The following MCPH1 variants were observed in gnomAD, a reference collection of about 807,000 sequenced individuals.
MCPH1 encodes microcephalin.
Under a neutral mutation model 84.5 loss-of-function variants are expected in MCPH1, and 104 were observed. The observed-to-expected ratio is 1.23, with a 90% confidence interval of 1.05 to 1.45. The LOEUF is 1.45. Ranked by LOEUF, MCPH1 falls within the 40% of genes most tolerant of loss-of-function variation. MCPH1 has a pLI of 0.00. For synonymous variants in MCPH1, 514 were observed against 366.8 expected, an observed-to-expected ratio of 1.40 and a Z score of -4.58; for missense variants, 1,498 against 1,005.7, an observed-to-expected ratio of 1.49 and a Z score of -6.62.
intron 12 of MCPH1, among the ~76,000 whole-genome samples, chr8:6,598,050 C>T (rs183075049): frequency 1.3e-5 from 2 of 152,190 alleles, no homozygotes; most frequent in African/African-American, 4.8e-5. Flanking sequence ...ATCAGCTCAG[C>T]GGGCCTTCAC....
chr8:6,489,675 G>A (rs1029258951), intron 11 of MCPH1, among the ~76,000 whole-genome samples: 1 of 152,166 alleles, frequency 6.6e-6, no homozygotes, highest in Non-Finnish European at 1.5e-5. Context: ...TGCTACATCA[G>A]AGAGATTGGT....
chr8:6,432,218 C>T (rs1352422553), intron 4 of MCPH1, among the ~76,000 whole-genome samples: 1 of 152,270 alleles, frequency 6.6e-6, no homozygotes, highest in African/African-American at 2.4e-5. Context: ...GATTCTCCTG[C>T]CTCAACCTCC....
At chr8:6,635,985 C>A (rs2129582899) in intron 13 of MCPH1, among the ~76,000 whole-genome samples, 1 of 152,314 alleles carries the variant, frequency 6.6e-6, no homozygotes, top group Middle Eastern at 3.4e-3. Flanking sequence ...TTATTTTTTA[C>A]TGTGAAGTAC....
intron 12 of MCPH1, among the ~76,000 whole-genome samples, chr8:6,556,627 T>C (rs1033240807): frequency 3.9e-5 from 6 of 152,188 alleles, no homozygotes; most frequent in African/African-American, 1.4e-4. Context: ...TTATTTTTTT[T>C]TCATTTTTTA....
intron 12 of MCPH1, among the ~76,000 whole-genome samples, chr8:6,534,337 G>T (rs1472358414): frequency 2.0e-5 from 3 of 151,896 alleles, no homozygotes; most frequent in Admixed American, 1.3e-4. Flanking sequence ...TATACGAGAG[G>T]ATGTGTATAG....
intron 12 of MCPH1, among the ~76,000 whole-genome samples, chr8:6,504,045 G>T (rs1465269755): frequency 6.6e-6 from 1 of 152,174 alleles, no homozygotes; most frequent in Non-Finnish European, 1.5e-5. Flanking sequence ...GGGGCCGGGC[G>T]CAGTGGCTCA....
intron 3 of MCPH1, among the ~76,000 whole-genome samples, chr8:6,420,461 C>G (rs1563181264): frequency 6.6e-6 from 1 of 152,110 alleles, no homozygotes; most frequent in Non-Finnish European, 1.5e-5. Context: ...GCGCTGTTAT[C>G]TCCGTGTCAG....
chr8:6,469,589 A>G (rs969706145), intron 9 of MCPH1, among the ~76,000 whole-genome samples: 3 of 152,220 alleles, frequency 2.0e-5, no homozygotes, highest in Admixed American at 6.5e-5. Flanking sequence ...AAGGTTAATA[A>G]TCTTTGTGAA....
At chr8:6,408,053 A>G (rs1261259774) in intron 1 of MCPH1, among the ~76,000 whole-genome samples, 3 of 152,230 alleles carry the variant, frequency 2.0e-5, no homozygotes, top group Admixed American at 1.3e-4. Context: ...AAAGCCTGAA[A>G]TATTTACCAT....
chr8:6,449,004 A>T (rs1328802901), intron 8 of MCPH1, among the ~76,000 whole-genome samples: 1 of 152,220 alleles, frequency 6.6e-6, no homozygotes, highest in Non-Finnish European at 1.5e-5. Flanking sequence ...TGGTGGGGGA[A>T]TAATAACATT....
intron 13 of MCPH1, chr8:6,625,861 T>A (rs1832022113): frequency 1.0e-6 from 1 of 985,336 alleles, no homozygotes; most frequent in South Asian, 4.7e-5. Flanking sequence ...TTTGCAGATG[T>A]CGTAAACTCA....
chr8:6,499,087 TAAA>T (rs1224537251), intron 11 of MCPH1, among the ~76,000 whole-genome samples: 3 of 126,614 alleles, frequency 2.4e-5, no homozygotes, highest in Non-Finnish European at 5.3e-5. Flanking sequence ...AATAAATAAA[TAAA>T]TAAATAAATA....
chr8:6,508,945 T>C (rs975259468), intron 12 of MCPH1: 2 of 1,614,150 alleles, frequency 1.2e-6, no homozygotes, highest in South Asian at 1.1e-5. Flanking sequence ...CTGTTAGCAT[T>C]TGTGAACATT....
At chr8:6,576,416 T>G (rs2129576746) in intron 12 of MCPH1, among the ~76,000 whole-genome samples, 1 of 152,306 alleles carries the variant, frequency 6.6e-6, no homozygotes, top group Admixed American at 6.5e-5. Flanking sequence ...TTATCCTCGC[T>G]AAAATGAACT....
intron 8 of MCPH1, chr8:6,447,098 C>T: frequency 4.1e-6 from 4 of 985,436 alleles, no homozygotes; most frequent in Non-Finnish European, 4.8e-6. Flanking sequence ...CATGCCATTA[C>T]AGACAGACGG....
At position 6,499,934 on chromosome 8, in the gene MCPH1, G is replaced by T. The variant is rs1436462623; in HGVS notation, c.2214+5G>T. 1 of 1,612,104 alleles carries T rather than the reference G, an allele frequency of 6.2e-7. No homozygotes were observed. The highest frequency in any genetic ancestry group is 2.2e-5 in the East Asian group (1 of 44,860). ...CACCACTTCCCTGCAGCTCCCGTAAGTCAGATGTTGTTTTACGATGGTAAA... is the reference window on the plus strand; with the variant it reads ...CACCACTTCCCTGCAGCTCCCGTAATTCAGATGTTGTTTTACGATGGTAAA... On this transcript the variant is annotated splice_donor_5th_base_variant and intron_variant, in intron 12 of 13. Coordinates refer to ENST00000344683, the MANE Select transcript of MCPH1 (RefSeq NM_024596.5).
intron 12 of MCPH1, among the ~76,000 whole-genome samples, chr8:6,505,287 T>TA (rs554257480): frequency 2.6e-4 from 23 of 89,412 alleles, no homozygotes; most frequent in East Asian, 3.4e-4. Flanking sequence ...CATATATATG[T>TA]TATATACATA....
chr8:6,634,260 A>G (rs1174878444), intron 13 of MCPH1, among the ~76,000 whole-genome samples: 1 of 152,236 alleles, frequency 6.6e-6, no homozygotes, highest in Non-Finnish European at 1.5e-5. Flanking sequence ...GGCTGGTTGC[A>G]GAAATTTAAG....
In MCPH1 at chr8:6,431,510, C is replaced by A; in HGVS notation, c.245C>A (p.Ala82Asp). Residue 82 changes from alanine to aspartate, a missense_variant, in exon 4 of 14, where the codon GCT (alanine) becomes GAT (aspartate). Coordinates refer to ENST00000344683, the MANE Select transcript of MCPH1 (RefSeq NM_024596.5). ...SVLWVEKCRT[A>D]GAHIDESLFP... ...ATTTAATTATACAGATGCAGGACAGCTGGAGCACACATTGATGAATCATTG... is the reference window on the plus strand; with the variant it reads ...ATTTAATTATACAGATGCAGGACAGATGGAGCACACATTGATGAATCATTG... 6.2e-7 allele frequency: 1 copy of A among 1,612,908 alleles called. No individual in the cohort carries two copies. The highest frequency in any genetic ancestry group is 8.5e-7 in the Non-Finnish European group (1 of 1,179,120).
Sources: allele counts gnomAD v4.1 joint callset (sites outside exome capture counted in the v4.1 genomes callset), GRCh38; gene constraint gnomAD v4.1.1; transcripts MANE v1.5; gene names NCBI Gene and HGNC (gene_info 2026-07-23, HGNC 2026-07-21).